The following TLN2 variants were observed in gnomAD, a reference collection of about 807,000 sequenced individuals.
The protein encoded by TLN2 is talin 2, also known as talin-2.
TLN2 carries 118 observed loss-of-function variants against 294.7 expected under a neutral mutation model. That is an observed-to-expected ratio of 0.40 (90% CI 0.34 to 0.47). The LOEUF (loss-of-function observed/expected upper bound fraction) is 0.47, where lower values mean the gene tolerates loss of function less well. Among genes scored for constraint, TLN2 ranks in the 20% least tolerant of loss-of-function variants. TLN2 has a pLI of 0.84. For missense variants in TLN2, 3,083 were observed against 3,282.2 expected (o/e 0.94, Z 1.48); for synonymous variants, 1,431 against 1,304.5 (o/e 1.10, Z -2.09).
chr15:62,693,914 T>G (rs1476941928), intron 13 of TLN2, among the ~76,000 whole-genome samples: 1 of 151,570 alleles, frequency 6.6e-6, no homozygotes, highest in East Asian at 1.9e-4. Context: ...TTCAAAATGT[T>G]TTTTTAAAGG....
At chr15:62,417,644 G>A (rs2034162995) in intron 1 of TLN2, among the ~76,000 whole-genome samples, 2 of 152,204 alleles carry the variant, frequency 1.3e-5, no homozygotes, top group Non-Finnish European at 2.9e-5. Context: ...GAACTGAATC[G>A]AGTCTGCAAG....
chr15:62,822,234 T>A (rs1184282340), intron 54 of TLN2, among the ~76,000 whole-genome samples: 1 of 152,214 alleles, frequency 6.6e-6, no homozygotes, highest in Non-Finnish European at 1.5e-5. Flanking sequence ...ATTATTGTTA[T>A]AATAATTAAA....
At chr15:62,678,944 G>GA (rs1284294574) in intron 11 of TLN2, among the ~76,000 whole-genome samples, 3 of 151,968 alleles carry the variant, frequency 2.0e-5, no homozygotes, top group Non-Finnish European at 4.4e-5. Flanking sequence ...AAAATGAGGG[G>GA]AAAATCATTG....
At chr15:62,482,223 T>TGC (rs1413616070) in intron 1 of TLN2, among the ~76,000 whole-genome samples, 5 of 152,338 alleles carry the variant, frequency 3.3e-5, no homozygotes, top group African/African-American at 1.2e-4. Context: ...CACATTTCTG[T>TGC]AATGCCACAC....
rs79626204 is a variant in TLN2, at chr15:62,753,233, A to G, written c.4333-540A>G. On this transcript the variant is annotated intron_variant, in intron 35 of 58. Coordinates refer to ENST00000636159, the MANE Select transcript of TLN2 (RefSeq NM_015059.3). ...TTTCTTTTCTGGGCCATCTTACTCA[A>G]TTACAAAGTTAAGATCCCTTCTGCT... is the stretch of plus-strand genomic sequence containing the variant. Among the ~76,000 whole-genome samples, 953 of 152,246 alleles carry G rather than the reference A, an allele frequency of 6.3e-3. 8 individuals carry two copies. Among genetic ancestry groups the G allele is most frequent in the African/African-American group, 0.022 (908 of 41,536 alleles).
intron 54 of TLN2, chr15:62,831,218 C>T (rs1394914529): frequency 1.3e-5 from 2 of 152,010 alleles, no homozygotes; most frequent in African/African-American, 4.8e-5. Context: ...GAGTATTCCA[C>T]ACTGTAAAGT....
intron 48 of TLN2, among the ~76,000 whole-genome samples, chr15:62,798,206 G>C (rs957701604): frequency 2.0e-5 from 3 of 152,188 alleles, no homozygotes; most frequent in African/African-American, 4.8e-5. Context: ...CTCAGCACCT[G>C]TAGATGGCCC....
At chr15:62,701,266 T>C (rs763588826) in intron 17 of TLN2, 52 bp downstream of exon 17, 5 of 964,418 alleles carry the variant, frequency 5.2e-6, no homozygotes, top group Admixed American at 2.9e-5. Context: ...AAAAGCTGTG[T>C]TTTTTTTTTT....
At chr15:62,728,851 T>C (rs2060571905) in intron 28 of TLN2, among the ~76,000 whole-genome samples, 2 of 152,198 alleles carry the variant, frequency 1.3e-5, no homozygotes, top group African/African-American at 4.8e-5. Flanking sequence ...AAAGGTTTTA[T>C]TTTAATATAT....
intron 9 of TLN2, among the ~76,000 whole-genome samples, chr15:62,666,229 G>T (rs1596573201): frequency 6.6e-6 from 1 of 152,296 alleles, no homozygotes; most frequent in African/African-American, 2.4e-5. Flanking sequence ...CTCCCATGCT[G>T]CTGTGGTTTG....
intron 9 of TLN2, among the ~76,000 whole-genome samples, chr15:62,665,171 C>T (rs1172884192): frequency 6.6e-6 from 1 of 152,008 alleles, no homozygotes; most frequent in Non-Finnish European, 1.5e-5. Flanking sequence ...CAAGCAGTCC[C>T]CTCACCTCAG....
intron 1 of TLN2, among the ~76,000 whole-genome samples, chr15:62,470,585 C>G (rs1025889811): frequency 5.3e-5 from 8 of 152,204 alleles, no homozygotes; most frequent in Admixed American, 3.9e-4. Context: ...GCCCCTGCCC[C>G]CAGCAGCCCT....
chr15:62,492,230 T>C (rs932427477), intron 1 of TLN2, among the ~76,000 whole-genome samples: 1 of 151,956 alleles, frequency 6.6e-6, no homozygotes. Flanking sequence ...GGCGGGTGGA[T>C]CATGAGGTCA....
chr15:62,425,693 TG>T (rs1405166959), intron 1 of TLN2, among the ~76,000 whole-genome samples: 3 of 152,218 alleles, frequency 2.0e-5, no homozygotes, highest in African/African-American at 7.2e-5. Context: ...TTACATAGGA[TG>T]TGTCCTCCTT....
intron 28 of TLN2, among the ~76,000 whole-genome samples, chr15:62,731,644 CA>C (rs2060733148): frequency 6.6e-6 from 1 of 152,106 alleles, no homozygotes; most frequent in Non-Finnish European, 1.5e-5. Context: ...CATGAGATAT[CA>C]AGAAACTTTA....
intron 26 of TLN2, 134 bp from the exon 27 acceptor site, chr15:62,724,842 T>C: frequency 8.6e-7 from 1 of 1,161,880 alleles, no homozygotes; most frequent in South Asian, 2.0e-5. Flanking sequence ...AAAAAATACT[T>C]GCTTTCCTTG....
intron 26 of TLN2, 121 bp downstream of exon 26, chr15:62,722,608 A>T: frequency 2.4e-6 from 3 of 1,272,592 alleles, no homozygotes; most frequent in Non-Finnish European, 3.1e-6. Context: ...TTCTACTTGC[A>T]TGACTATTAA....
intron 11 of TLN2, among the ~76,000 whole-genome samples, chr15:62,686,065 A>T (rs1341947571): frequency 6.6e-6 from 1 of 152,194 alleles, no homozygotes; most frequent in Admixed American, 6.5e-5. Context: ...TTTAATAGAC[A>T]TTACTATATC....
rs572653127 is a variant in TLN2, at chr15:62,715,212, A to T, written c.2635-1119A>T. ...GTATGCATTGCTATAACTTTTATAA[A>T]TAGCTCAAAGAAATAGGTTCTTATA... On this transcript the variant is annotated intron_variant, in intron 22 of 58. Transcript: ENST00000636159. Among the ~76,000 whole-genome samples, 5 of 152,376 alleles carry T rather than the reference A, an allele frequency of 3.3e-5. No individual in the cohort carries two copies. In the East Asian group the frequency reaches 9.6e-4, roughly 29 times the overall value.
Sources: allele counts gnomAD v4.1 joint callset (sites outside exome capture counted in the v4.1 genomes callset), GRCh38; gene constraint gnomAD v4.1.1; transcripts MANE v1.5; gene names NCBI Gene and HGNC (gene_info 2026-07-23, HGNC 2026-07-21).